Variants in GLYAT observed in about 807,000 individuals in gnomAD.
The protein encoded by GLYAT is glycine-N-acyltransferase, also known as glycine N-acyltransferase.
In GLYAT, 25 loss-of-function variants were observed where a neutral mutation model predicts 22.8. That is an observed-to-expected ratio of 1.09 (90% CI 0.80 to 1.53). The LOEUF is 1.53. GLYAT is among the 40% of genes most tolerant of loss of function. GLYAT has a pLI of 0.00. For synonymous variants in GLYAT, 140 were observed against 122.7 expected (o/e 1.14, Z -0.93); for missense variants, 411 against 353.9 (o/e 1.16, Z -1.29).
intron 2 of GLYAT, among the ~76,000 whole-genome samples, chr11:58,717,157 C>A (rs867752066): frequency 6.6e-6 from 1 of 151,886 alleles, no homozygotes; most frequent in Non-Finnish European, 1.5e-5. Context: ...TATATGCCCC[C>A]CATCCTTTTT....
Position 58,712,566 on chromosome 11 carries a change from T to A in GLYAT, c.316+194A>T, listed in dbSNP as rs147268719. ...CCAAGGAATTATACTATAGTTCCCT[T>A]TATGAAGCCCATTCTTTGCAAATTT... is the stretch of plus-strand genomic sequence containing the variant. On this transcript the variant is annotated intron_variant, in intron 4 of 5. Transcript: ENST00000344743. 5.1e-3 allele frequency among the ~76,000 whole-genome samples: 769 copies of A among 152,252 alleles called. 8 individuals carry two copies. The highest frequency in any genetic ancestry group is 0.018 in the African/African-American group (736 of 41,558).
rs1856637636 is a variant in GLYAT, at chr11:58,713,132, A to ATTC, written c.190-247_190-246insGAA. Among the ~76,000 whole-genome samples the ATTC allele has an allele frequency of 3.3e-5, 5 of 152,300 alleles. 1 individual carries two copies. Among genetic ancestry groups the ATTC allele is most frequent in the African/African-American group, 1.2e-4 (5 of 41,580 alleles). On this transcript the variant is annotated intron_variant, in intron 3 of 5. Coordinates refer to ENST00000344743, the MANE Select transcript of GLYAT (RefSeq NM_201648.3). ...ATAATTATTATTTCCATGTGTTGAG[A>ATTC]ACATTTCAAGTCCTCCTTCAATCTA...
At chr11:58,710,877 G>A (rs1462619620) in intron 4 of GLYAT, 116 bp from the exon 5 acceptor site, 6 of 669,218 alleles carry the variant, frequency 9.0e-6, no homozygotes, top group South Asian at 7.4e-5. Flanking sequence ...TCTGGGCTTG[G>A]TGCTACCACT....
chr11:58,714,759 C>A (rs1334877337), intron 3 of GLYAT, among the ~76,000 whole-genome samples: 1 of 152,148 alleles, frequency 6.6e-6, no homozygotes, highest in Admixed American at 6.5e-5. Context: ...CCCCTTCTGT[C>A]AGGACTGTAA....
rs113606788 is a variant in GLYAT at position 58,717,644 on chromosome 11, A to G, written c.82-2221T>C. ...TTCAGTTCAAATTGTAGAAAATAATAAAAATTGAAAAATAACATTAGGCGA... is the reference window on the plus strand; with the variant it reads ...TTCAGTTCAAATTGTAGAAAATAATGAAAATTGAAAAATAACATTAGGCGA... On this transcript the variant is annotated intron_variant, in intron 2 of 5. Coordinates refer to ENST00000344743, the MANE Select transcript of GLYAT (RefSeq NM_201648.3). 2.3e-3 allele frequency among the ~76,000 whole-genome samples: 355 copies of G among 152,196 alleles called. 2 individuals carry two copies. Among genetic ancestry groups the G allele is most frequent in the Non-Finnish European group, 4.1e-3 (280 of 67,976 alleles).
chr11:58,731,480 G>A (rs2134501498), intron 1 of GLYAT, among the ~76,000 whole-genome samples: 1 of 152,214 alleles, frequency 6.6e-6, no homozygotes, highest in Non-Finnish European at 1.5e-5. Context: ...CATATTCTGA[G>A]CATAACACAA....
rs1590669089 is a variant in GLYAT at position 58,715,760 on chromosome 11, T to G, written c.82-337A>C. Among the ~76,000 whole-genome samples the G allele has an allele frequency of 2.6e-5, 4 of 152,302 alleles. No individual in the cohort carries two copies. In the South Asian group the frequency reaches 8.3e-4, roughly 32 times the overall value. ...TATTCACAAGCATACAAAATAATTT[T>G]CAATTACTTTTAATGGCTGAATAAA... On this transcript the variant is annotated intron_variant, in intron 2 of 5. Transcript: ENST00000344743.
intron 1 of GLYAT, among the ~76,000 whole-genome samples, chr11:58,727,574 C>T (rs973038526): frequency 1.3e-5 from 2 of 152,126 alleles, no homozygotes; most frequent in Non-Finnish European, 2.9e-5. Context: ...TAGTTCATTA[C>T]GTCTGCTTAG....
intron 1 of GLYAT, among the ~76,000 whole-genome samples, chr11:58,727,938 C>A (rs771098725): frequency 1.0e-4 from 15 of 150,224 alleles, no homozygotes; most frequent in Middle Eastern, 3.4e-3. Flanking sequence ...AATAAGCCAA[C>A]ATATAAAACC....
chr11:58,724,880 C>T (rs1856796772), intron 1 of GLYAT, among the ~76,000 whole-genome samples: 1 of 152,002 alleles, frequency 6.6e-6, no homozygotes, highest in Non-Finnish European at 1.5e-5. Context: ...CCTTGGTTTC[C>T]TCAAAGGTAG....
At chr11:58,730,999 C>G (rs537894655) in intron 1 of GLYAT, among the ~76,000 whole-genome samples, 1 of 152,148 alleles carries the variant, frequency 6.6e-6, no homozygotes, top group South Asian at 2.1e-4. Flanking sequence ...CAAAACAGTT[C>G]ACATACAACA....
intron 1 of GLYAT, among the ~76,000 whole-genome samples, chr11:58,729,313 C>A (rs1856848110): frequency 6.6e-6 from 1 of 152,162 alleles, no homozygotes; most frequent in Non-Finnish European, 1.5e-5. Context: ...TCTCTTACGT[C>A]CGTCTGAATA....
At chr11:58,722,106 G>C (rs944695845) in intron 2 of GLYAT, among the ~76,000 whole-genome samples, 2 of 151,954 alleles carry the variant, frequency 1.3e-5, no homozygotes, top group Non-Finnish European at 2.9e-5. Context: ...GACCAAATTT[G>C]GGGAGATCAG....
intron 1 of GLYAT, among the ~76,000 whole-genome samples, chr11:58,727,293 A>G (rs916835185): frequency 3.3e-5 from 5 of 152,156 alleles, no homozygotes; most frequent in African/African-American, 7.2e-5. Context: ...CACAAATGCA[A>G]TAAGAGCCAT....
chr11:58,719,042 T>C (rs1231447707), intron 2 of GLYAT, among the ~76,000 whole-genome samples: 1 of 152,006 alleles, frequency 6.6e-6, no homozygotes, highest in Non-Finnish European at 1.5e-5. Flanking sequence ...ATAAGCCAAA[T>C]TGTGTCATTT....
At chr11:58,727,882 C>T (rs1327861353) in intron 1 of GLYAT, among the ~76,000 whole-genome samples, 1 of 151,974 alleles carries the variant, frequency 6.6e-6, no homozygotes, top group African/African-American at 2.4e-5. Context: ...TGTGGACAAC[C>T]CACCACAAGG....
In GLYAT at chr11:58,724,462, T is replaced by G. The variant is rs1048561110; in HGVS notation, c.35A>C (p.Gln12Pro). The change falls in exon 2 of 6, where the codon CAG becomes CCG. Residue 12 changes from glutamine (Q) to proline (P), a missense_variant. By Grantham distance (76) the Gln-to-Pro change is moderately conservative (BLOSUM62 -1). Coordinates refer to ENST00000344743, the MANE Select transcript of GLYAT (RefSeq NM_201648.3). ...CTTCCTCAAGGATTTCTCCAGCATCTGCAGCATCTGGGCACCTTGCAATGG... is the reference window on the plus strand; with the variant it reads ...CTTCCTCAAGGATTTCTCCAGCATCGGCAGCATCTGGGCACCTTGCAATGG... The part of the protein sequence containing the change: ...MLPLQGAQML[Q>P]MLEKSLRKSL... 1 of 1,608,920 alleles carries G rather than the reference T, an allele frequency of 6.2e-7. No individual in the cohort carries two copies. Among genetic ancestry groups the G allele is most frequent in the Middle Eastern group, 1.7e-4 (1 of 6,038 alleles).
chr11:58,715,692 T>C (rs1238692821), intron 2 of GLYAT, among the ~76,000 whole-genome samples: 1 of 152,134 alleles, frequency 6.6e-6, no homozygotes, highest in East Asian at 1.9e-4. Context: ...ATTACTGATA[T>C]TTGCTATTTT....
At chr11:58,719,899 T>C (rs1484464376) in intron 2 of GLYAT, among the ~76,000 whole-genome samples, 7 of 152,024 alleles carry the variant, frequency 4.6e-5, no homozygotes, top group Non-Finnish European at 1.0e-4. Flanking sequence ...AATATAGAAA[T>C]CCTCTTATTG....
Sources: gnomAD v4.1 joint callset for allele counts (sites outside exome capture counted in the v4.1 genomes callset) on GRCh38, gnomAD v4.1.1 for gene constraint, MANE v1.5 for transcripts, NCBI Gene and HGNC (gene_info 2026-07-23, HGNC 2026-07-21) for gene names.